The following LGR6 variants were observed in gnomAD, a reference collection of about 807,000 sequenced individuals.
LGR6 encodes the protein leucine rich repeat containing G protein-coupled receptor 6.
A neutral mutation model predicts 69.4 loss-of-function variants in LGR6; 45 were observed. That is an observed-to-expected ratio of 0.65 (90% CI 0.51 to 0.83). The LOEUF (loss-of-function observed/expected upper bound fraction) is 0.83. LGR6 is among the 40% of genes least tolerant of loss of function. The pLI is 0.00. For missense variants in LGR6, 1,108 were observed against 1,246.7 expected (o/e 0.89, Z 1.68); for synonymous variants, 538 against 555.0 (o/e 0.97, Z 0.43).
intron 7 of LGR6, among the ~76,000 whole-genome samples, chr1:202,299,506 C>CT (rs1474611975): frequency 1.3e-5 from 2 of 152,108 alleles, no homozygotes; most frequent in Admixed American, 1.3e-4. Flanking sequence ...GTGTACCTGT[C>CT]TATCTCCATC....
intron 4 of LGR6, among the ~76,000 whole-genome samples, chr1:202,240,893 G>A (rs566208369): frequency 6.6e-6 from 1 of 152,282 alleles, no homozygotes; most frequent in Admixed American, 6.5e-5. Flanking sequence ...CCAAGGCCAG[G>A]CTAAAGCTCC....
chr1:202,297,265 C>T (rs1198269871), intron 6 of LGR6, among the ~76,000 whole-genome samples: 2 of 152,186 alleles, frequency 1.3e-5, no homozygotes, highest in African/African-American at 2.4e-5. Flanking sequence ...TATCTGCACC[C>T]CTGAAGTATG....
intron 9 of LGR6, among the ~76,000 whole-genome samples, chr1:202,301,862 C>CA (rs1190373885): frequency 6.6e-5 from 10 of 151,860 alleles, no homozygotes; most frequent in Non-Finnish European, 1.5e-4. Flanking sequence ...ACTAAAAATA[C>CA]AAAAAAAGTA....
chr1:202,200,410 C>G (rs1171745505), intron 1 of LGR6, among the ~76,000 whole-genome samples: 1 of 152,172 alleles, frequency 6.6e-6, no homozygotes, highest in Non-Finnish European at 1.5e-5. Flanking sequence ...CAGACATGCC[C>G]TGAGGGGCCG....
chr1:202,213,444 T>G lies in LGR6; in HGVS notation c.213-11979T>G, dbSNP rs533296549. ...TTGGCTGGGAGACCCTGGCCAGAGA[T>G]CAGAAGATCAAAGGATGAGAAGATC... On this transcript the variant is annotated intron_variant, in intron 1 of 17. Transcript: ENST00000367278. 4.6e-5 allele frequency among the ~76,000 whole-genome samples: 7 copies of G among 152,032 alleles called. No individual in the cohort carries two copies. The South Asian group carries it at 1.5e-3, about 32-fold the overall frequency.
intron 6 of LGR6, among the ~76,000 whole-genome samples, chr1:202,290,463 CTG>C (rs1666715933): frequency 6.6e-6 from 1 of 152,208 alleles, no homozygotes; most frequent in Non-Finnish European, 1.5e-5. Context: ...GGATCCAACT[CTG>C]TGTAGAATAT....
At chr1:202,244,057 A>G (rs1662439420) in intron 4 of LGR6, among the ~76,000 whole-genome samples, 1 of 152,174 alleles carries the variant, frequency 6.6e-6, no homozygotes, top group Non-Finnish European at 1.5e-5. Flanking sequence ...TGCCGGGTTC[A>G]AGCAATTCTC....
chr1:202,203,975 C>T, intron 1 of LGR6: 2 of 834,668 alleles, frequency 2.4e-6, no homozygotes, highest in South Asian at 2.8e-5. Flanking sequence ...ATTATGTTCA[C>T]TATGTCTTTG....
chr1:202,307,259 G>T (rs185947809), intron 13 of LGR6, 71 bp from the exon 14 acceptor site: 2 of 1,445,914 alleles, frequency 1.4e-6, no homozygotes, highest in Non-Finnish European at 9.7e-7. Context: ...ATGTGAGGGG[G>T]AGCCCATGAT....
At chr1:202,206,891 T>G (rs1659259575) in intron 1 of LGR6, among the ~76,000 whole-genome samples, 1 of 6,094 alleles carries the variant, frequency 1.6e-4, no homozygotes, top group Non-Finnish European at 4.4e-4. Context: ...GCAAATTATT[T>G]TATTTATTTA....
In LGR6 at chr1:202,268,875, T is replaced by A. The variant is rs142436408; in HGVS notation, c.429-7431T>A. ...CCTGATAGCAGAAGGGGCCTGTACC[T>A]GGTTTAGTGTTCTATTGCCATCTTG... On this transcript the variant is annotated intron_variant, in intron 4 of 17. Transcript: ENST00000367278. This position sits in a 1 kb window ranked among gnomAD's most constrained non-coding sequence, Gnocchi z 4.4. Among the ~76,000 whole-genome samples, 1,559 of 152,264 alleles carry A rather than the reference T, an allele frequency of 0.01. 30 individuals carry two copies. The highest frequency in any genetic ancestry group is 0.035 in the African/African-American group (1,466 of 41,526).
At chr1:202,258,979 T>G (rs760960229) in intron 4 of LGR6, among the ~76,000 whole-genome samples, 83 of 152,216 alleles carry the variant, frequency 5.5e-4, no homozygotes, top group Non-Finnish European at 9.4e-4. Context: ...TCTGTGTCAA[T>G]ATTTTACATT....
At chr1:202,271,401 G>A (rs1446494679) in intron 4 of LGR6, among the ~76,000 whole-genome samples, 1 of 152,154 alleles carries the variant, frequency 6.6e-6, no homozygotes. Flanking sequence ...TTATCCTACC[G>A]GGAGCTGGGT....
chr1:202,239,674 T>C (rs1407947974), intron 4 of LGR6, among the ~76,000 whole-genome samples: 4 of 151,990 alleles, frequency 2.6e-5, no homozygotes, highest in East Asian at 3.9e-4. Flanking sequence ...GACGGGGGCA[T>C]TGGTGAAAGG....
chr1:202,277,028 G>A (rs543083362), intron 5 of LGR6, among the ~76,000 whole-genome samples: 1 of 152,184 alleles, frequency 6.6e-6, no homozygotes, highest in East Asian at 1.9e-4. Context: ...AGCATCCCTG[G>A]CAGGAATTGG....
At chr1:202,263,416 G>A (rs577578065) in intron 4 of LGR6, among the ~76,000 whole-genome samples, 10 of 152,238 alleles carry the variant, frequency 6.6e-5, no homozygotes, top group South Asian at 2.1e-4. Context: ...GAGCCACCGC[G>A]CCCGGCCAGC....
intron 11 of LGR6, among the ~76,000 whole-genome samples, 187 bp downstream of exon 11, chr1:202,304,817 G>C (rs1667865086): frequency 6.6e-6 from 1 of 152,132 alleles, no homozygotes; most frequent in African/African-American, 2.4e-5. Flanking sequence ...CTTACTAGCT[G>C]TATTGATTTG....
At chr1:202,307,826 A>T (rs1653369353) in intron 14 of LGR6, among the ~76,000 whole-genome samples, 1 of 152,170 alleles carries the variant, frequency 6.6e-6, no homozygotes, top group Non-Finnish European at 1.5e-5. Context: ...CCATTCTGTG[A>T]GGCAGCAGGG....
At chr1:202,211,349 A>C (rs956063743) in intron 1 of LGR6, among the ~76,000 whole-genome samples, 2 of 152,204 alleles carry the variant, frequency 1.3e-5, no homozygotes, top group Non-Finnish European at 2.9e-5. Context: ...AGGTTCACGA[A>C]GACTTTCAGA....
Sources: gnomAD v4.1 joint callset for allele counts (sites outside exome capture counted in the v4.1 genomes callset) on GRCh38, gnomAD v4.1.1 for gene constraint, Gnocchi (gnomAD v3.1) non-coding constraint, MANE v1.5 for transcripts, NCBI Gene and HGNC (gene_info 2026-07-23, HGNC 2026-07-21) for gene names.